The following RHPN2 variants were observed in gnomAD, a reference collection of about 807,000 sequenced individuals.
RHPN2 encodes rhophilin-2.
A neutral mutation model predicts 79.0 loss-of-function variants in RHPN2; 40 were observed. The ratio of observed to expected loss-of-function variants is 0.51; its 90% CI spans 0.39 to 0.66. The LOEUF (loss-of-function observed/expected upper bound fraction) is 0.66. Among genes scored for constraint, RHPN2 ranks in the 30% least tolerant of loss-of-function variants. The probability of loss-of-function intolerance (pLI) is 0.00; values close to 1 mark genes in which losing one functional copy is unlikely to be tolerated. For missense variants in RHPN2, 686 were observed against 883.5 expected (o/e 0.78, Z 2.83); for synonymous variants, 285 against 363.5 (o/e 0.78, Z 2.46).
At chr19:32,990,116 A>T (rs992658371) in intron 14 of RHPN2, among the ~76,000 whole-genome samples, 5 of 147,664 alleles carry the variant, frequency 3.4e-5, no homozygotes, top group South Asian at 2.2e-4. Flanking sequence ...AAAAAAAAAT[A>T]AAATTAAAAA....
At chr19:33,011,579 G>A in intron 6 of RHPN2, 100 bp downstream of exon 6, 1 of 1,428,720 alleles carries the variant, frequency 7.0e-7, no homozygotes, top group South Asian at 1.1e-5. Context: ...GGGGGCTGAG[G>A]TGCACAGGGG....
rs148591203 is a variant in RHPN2 at position 33,063,758 on chromosome 19, G to GGCACTAGTCCGTAGTGTGA, written c.69+1025_69+1026insTCACACTACGGACTAGTGC. On this transcript the variant is annotated intron_variant, in intron 1 of 14. Coordinates refer to ENST00000254260, the MANE Select transcript of RHPN2 (RefSeq NM_033103.5). ...TGAGCTCCCTGACTGTTATCTTCTG[G>GGCACTAGTCCGTAGTGTGA]GCCCAAGAGCTCCTGGACATGCCAA... Among the ~76,000 whole-genome samples the GGCACTAGTCCGTAGTGTGA allele has an allele frequency of 2.6e-5, 4 of 151,204 alleles. No individual in the cohort carries two copies. In the East Asian group the frequency reaches 7.9e-4, roughly 30 times the overall value.
chr19:33,058,765 C>G (rs939487361), intron 1 of RHPN2, among the ~76,000 whole-genome samples: 1 of 151,906 alleles, frequency 6.6e-6, no homozygotes, highest in African/African-American at 2.4e-5. Context: ...GGCGACAGAG[C>G]GAGACTCCGT....
chr19:33,064,755 T>TGGGGGCCC, intron 1 of RHPN2, 29 bp downstream of exon 1: 10 of 1,427,934 alleles, frequency 7.0e-6, no homozygotes, highest in Non-Finnish European at 8.5e-6. Context: ...AGCCCGCAGG[T>TGGGGGCCC]CCCCGCCCGC....
chr19:33,016,579 G>A (rs1437592473), intron 4 of RHPN2, among the ~76,000 whole-genome samples: 1 of 152,122 alleles, frequency 6.6e-6, no homozygotes. Context: ...TACTCAGGAG[G>A]CTGAAGCAGG....
chr19:33,022,556 C>A (rs1971933481), intron 3 of RHPN2, among the ~76,000 whole-genome samples: 1 of 152,170 alleles, frequency 6.6e-6, no homozygotes, highest in African/African-American at 2.4e-5. Flanking sequence ...TGCCTCCCAG[C>A]CCAGGGTCAG....
intron 3 of RHPN2, among the ~76,000 whole-genome samples, chr19:33,022,358 G>A (rs1971931714): frequency 6.6e-6 from 1 of 152,082 alleles, no homozygotes; most frequent in African/African-American, 2.4e-5. Context: ...TGCCTCCTTT[G>A]TCAGCTCCTC....
intron 6 of RHPN2, among the ~76,000 whole-genome samples, chr19:33,009,692 C>T (rs1486186666): frequency 2.6e-5 from 4 of 152,094 alleles, no homozygotes; most frequent in Non-Finnish European, 5.9e-5. Context: ...TGGGCTCAAG[C>T]GATCCACCCA....
At chr19:33,036,475 T>G (rs1972056545) in intron 2 of RHPN2, among the ~76,000 whole-genome samples, 1 of 152,232 alleles carries the variant, frequency 6.6e-6, no homozygotes, top group African/African-American at 2.4e-5. Flanking sequence ...GACAGCGTGC[T>G]GGCAGTCCTC....
chr19:33,020,030 C>T (rs1384900753), intron 4 of RHPN2, among the ~76,000 whole-genome samples: 2 of 152,120 alleles, frequency 1.3e-5, no homozygotes, highest in Admixed American at 6.6e-5. Flanking sequence ...GGCATGGTCT[C>T]TCCTGTGTTC....
intron 3 of RHPN2, 84 bp downstream of exon 3, chr19:33,026,420 T>G (rs1971967113): frequency 2.6e-6 from 4 of 1,559,738 alleles, no homozygotes; most frequent in Non-Finnish European, 3.5e-6. Flanking sequence ...TCTAGAACGC[T>G]ATCTGACCTC....
chr19:33,042,402 G>A (rs1025386940), intron 2 of RHPN2, among the ~76,000 whole-genome samples: 3 of 152,108 alleles, frequency 2.0e-5, no homozygotes, highest in Non-Finnish European at 2.9e-5. Context: ...CCTCTCTCAC[G>A]TCACACAGAT....
chr19:33,006,434 C>T (rs1331376912), intron 7 of RHPN2, among the ~76,000 whole-genome samples: 1 of 152,112 alleles, frequency 6.6e-6, no homozygotes, highest in Non-Finnish European at 1.5e-5. Flanking sequence ...ATTATAACAT[C>T]AGAAATTTCA....
At chr19:33,007,912 G>T (rs2304104) in intron 7 of RHPN2, 102 bp downstream of exon 7, 3 of 876,802 alleles carry the variant, frequency 3.4e-6, no homozygotes, top group Admixed American at 2.6e-5. Context: ...GACTGGTCTG[G>T]CCCTTGCGAG....
chr19:33,047,063 T>C (rs190657724), intron 1 of RHPN2, among the ~76,000 whole-genome samples: 17 of 152,212 alleles, frequency 1.1e-4, no homozygotes, highest in African/African-American at 3.1e-4. Context: ...TTCACCATTT[T>C]TTTGCCAGGC....
At position 33,056,643 on chromosome 19, in the gene RHPN2, T is replaced by C. The variant is rs145634300; in HGVS notation, c.69+8141A>G. On this transcript the variant is annotated intron_variant, in intron 1 of 14. Transcript: ENST00000254260. ...TGCATTTCCACTTCTTGAGAAATTA[T>C]AGTAATATAAGTTGAGAAAGTAATT... Among the ~76,000 whole-genome samples the C allele has an allele frequency of 5.8e-3, 889 of 152,346 alleles. 4 individuals are homozygous for C. The highest frequency in any genetic ancestry group is 0.02 in the African/African-American group (833 of 41,576).
chr19:33,055,145 T>C (rs1333866144), intron 1 of RHPN2, among the ~76,000 whole-genome samples: 1 of 150,824 alleles, frequency 6.6e-6, no homozygotes, highest in Non-Finnish European at 1.5e-5. Context: ...AGGCCAGGAG[T>C]TGAAGACCAG....
At chr19:33,029,393 G>A (rs1176643581) in intron 2 of RHPN2, among the ~76,000 whole-genome samples, 1 of 151,792 alleles carries the variant, frequency 6.6e-6, no homozygotes, top group African/African-American at 2.4e-5. Flanking sequence ...GGGCATGGTG[G>A]TGGGCACCTG....
chr19:33,044,167 C>T lies in RHPN2; in HGVS notation c.185+82G>A, dbSNP rs1379053761. On this transcript the variant is annotated intron_variant, in intron 2 of 14. Coordinates refer to ENST00000254260, the MANE Select transcript of RHPN2 (RefSeq NM_033103.5). ...CCAGAAATGAGGAGGAAACCCAAAG[C>T]TGAAACCAAGAGCCTGGCCTGGGAG... 6 of 1,098,654 alleles carry T rather than the reference C, an allele frequency of 5.5e-6. No homozygotes were observed. The Admixed American group carries it at 6.8e-5, about 12-fold the overall frequency. The allele number at this position is 1,098,654 out of a possible 1,614,324, so 68.1% of individuals were successfully genotyped here. A position where few individuals can be genotyped will look rare whatever the true frequency, so the allele number is the denominator to read the frequency against.
Sources: gnomAD v4.1 joint callset for allele counts (sites outside exome capture counted in the v4.1 genomes callset) on GRCh38, gnomAD v4.1.1 for gene constraint, MANE v1.5 for transcripts, NCBI Gene and HGNC (gene_info 2026-07-23, HGNC 2026-07-21) for gene names.